NRCAM: variants seen among roughly 807,000 people sequenced by gnomAD.
NRCAM encodes the protein neuronal cell adhesion molecule.
In NRCAM, 83 loss-of-function variants were observed where a neutral mutation model predicts 156.5. That is an observed-to-expected ratio of 0.53 (90% CI 0.44 to 0.64). The LOEUF (loss-of-function observed/expected upper bound fraction) is 0.64. NRCAM is among the 30% of genes least tolerant of loss of function. NRCAM has a pLI of 0.00. For missense variants in NRCAM, 1,417 were observed against 1,597.3 expected (o/e 0.89, Z 1.92); for synonymous variants, 538 against 563.9 (o/e 0.95, Z 0.65).
At chr7:108,176,697 C>T (rs564165016) in intron 26 of NRCAM, 91 bp from the exon 27 acceptor site, 45 of 1,011,692 alleles carry the variant, frequency 4.4e-5, no homozygotes, top group East Asian at 7.7e-5. Context: ...AAATGTTCAA[C>T]CTGGCTTACA....
chr7:108,384,346 T>TG (rs1216053032), intron 2 of NRCAM, among the ~76,000 whole-genome samples: 1 of 151,508 alleles, frequency 6.6e-6, no homozygotes, highest in Non-Finnish European at 1.5e-5. Flanking sequence ...AAAAACAGGT[T>TG]GGGGGTGAAC....
intron 19 of NRCAM, among the ~76,000 whole-genome samples, chr7:108,190,557 A>G (rs2070666744): frequency 6.6e-6 from 1 of 152,194 alleles, no homozygotes; most frequent in Admixed American, 6.5e-5. Flanking sequence ...CACAATATTA[A>G]TAATATTGTG....
intron 2 of NRCAM, among the ~76,000 whole-genome samples, chr7:108,348,360 G>T (rs1235040704): frequency 6.6e-6 from 1 of 152,122 alleles, no homozygotes; most frequent in African/African-American, 2.4e-5. Context: ...GTTCTGTTAG[G>T]CTGAGCCTGG....
chr7:108,162,361 A>G (rs377147977), intron 30 of NRCAM, among the ~76,000 whole-genome samples: 1 of 152,230 alleles, frequency 6.6e-6, no homozygotes, highest in Non-Finnish European at 1.5e-5. Context: ...ATTTCTTTCA[A>G]TTAATGCCTG....
At chr7:108,359,431 G>A (rs1351699505) in intron 2 of NRCAM, among the ~76,000 whole-genome samples, 1 of 152,200 alleles carries the variant, frequency 6.6e-6, no homozygotes, top group Admixed American at 6.5e-5. Context: ...TATGATACTT[G>A]AAGGAAGATC....
chr7:108,445,643 C>T (rs973012301), intron 1 of NRCAM, among the ~76,000 whole-genome samples: 1 of 152,138 alleles, frequency 6.6e-6, no homozygotes, highest in Non-Finnish European at 1.5e-5. Flanking sequence ...TGTTTTATCT[C>T]TATTTTCTAA....
At chr7:108,400,487 G>A (rs569595247) in intron 1 of NRCAM, among the ~76,000 whole-genome samples, 4 of 152,238 alleles carry the variant, frequency 2.6e-5, no homozygotes, top group Admixed American at 6.5e-5. Context: ...GCCACATCCA[G>A]ACCAAATAAA....
At chr7:108,265,601 A>ATT (rs759361887) in intron 3 of NRCAM, among the ~76,000 whole-genome samples, 18 of 152,206 alleles carry the variant, frequency 1.2e-4, no homozygotes, top group Non-Finnish European at 2.1e-4. Flanking sequence ...CTCCATCCCT[A>ATT]TTATAATAGT....
chr7:108,202,731 C>A (rs1303401239), intron 13 of NRCAM, among the ~76,000 whole-genome samples: 2 of 152,206 alleles, frequency 1.3e-5, no homozygotes, highest in African/African-American at 2.4e-5. Flanking sequence ...ATCTTACATT[C>A]CTGGCTTTCA....
intron 1 of NRCAM, among the ~76,000 whole-genome samples, chr7:108,411,822 C>G (rs1410666302): frequency 6.6e-6 from 1 of 152,192 alleles, no homozygotes; most frequent in Non-Finnish European, 1.5e-5. Flanking sequence ...TAAGCCACCA[C>G]ACCCAGCCAG....
intron 1 of NRCAM, among the ~76,000 whole-genome samples, chr7:108,425,410 G>A (rs1293902999): frequency 6.6e-6 from 1 of 152,088 alleles, no homozygotes; most frequent in Non-Finnish European, 1.5e-5. Context: ...CTGCAAAGTG[G>A]GAATCTGGCC....
chr7:108,185,326 G>A (rs1209133525), intron 20 of NRCAM, among the ~76,000 whole-genome samples: 1 of 152,138 alleles, frequency 6.6e-6, no homozygotes, highest in Non-Finnish European at 1.5e-5. Flanking sequence ...AATTTACATT[G>A]TAGTATTATT....
At chr7:108,234,712 G>T in intron 5 of NRCAM, 24 bp from the exon 6 acceptor site, 1 of 1,457,144 alleles carries the variant, frequency 6.9e-7, no homozygotes, top group Non-Finnish European at 9.6e-7. Flanking sequence ...AAAAAAAAAT[G>T]TAAAAAAACA....
At chr7:108,369,098 T>C (rs2099612635) in intron 2 of NRCAM, among the ~76,000 whole-genome samples, 2 of 152,170 alleles carry the variant, frequency 1.3e-5, no homozygotes, top group African/African-American at 4.8e-5. Context: ...AAACAGAAGA[T>C]TGTGATACAG....
At chr7:108,236,200 A>T (rs1343365858) in intron 5 of NRCAM, among the ~76,000 whole-genome samples, 1 of 152,094 alleles carries the variant, frequency 6.6e-6, no homozygotes, top group African/African-American at 2.4e-5. Context: ...CAGTCTTATA[A>T]ATCTATAAAC....
chr7:108,388,133 C>A (rs1488978373), intron 2 of NRCAM, among the ~76,000 whole-genome samples: 1 of 152,198 alleles, frequency 6.6e-6, no homozygotes, highest in East Asian at 1.9e-4. Context: ...GGAATTGCCA[C>A]ACTGACTTCC....
At chr7:108,369,051 TTC>T (rs1220410363) in intron 2 of NRCAM, among the ~76,000 whole-genome samples, 1 of 152,172 alleles carries the variant, frequency 6.6e-6, no homozygotes, top group Non-Finnish European at 1.5e-5. Context: ...TTCTATATAA[TTC>T]TCTTTGTAAA....
At chr7:108,317,757 A>C (rs2098945531) in intron 2 of NRCAM, among the ~76,000 whole-genome samples, 1 of 151,804 alleles carries the variant, frequency 6.6e-6, no homozygotes, top group Non-Finnish European at 1.5e-5. Context: ...TACAAAACAA[A>C]AATTAGTTGG....
intron 1 of NRCAM, among the ~76,000 whole-genome samples, chr7:108,423,299 G>A (rs1183132160): frequency 6.6e-6 from 1 of 151,966 alleles, no homozygotes; most frequent in Admixed American, 6.6e-5. Context: ...AAGAAGGAAG[G>A]GAAAGTGAAG....
Sources: gnomAD v4.1 joint callset for allele counts (sites outside exome capture counted in the v4.1 genomes callset) on GRCh38, gnomAD v4.1.1 for gene constraint, MANE v1.5 for transcripts, NCBI Gene and HGNC (gene_info 2026-07-23, HGNC 2026-07-21) for gene names.